RASEF: variants seen among roughly 807,000 people sequenced by gnomAD.
The protein encoded by RASEF is ras and EF-hand domain-containing protein.
Under a neutral mutation model 90.1 loss-of-function variants are expected in RASEF, and 68 were observed. The ratio of observed to expected loss-of-function variants is 0.75; its 90% CI spans 0.62 to 0.92. The LOEUF (loss-of-function observed/expected upper bound fraction) is 0.92. Among genes scored for constraint, RASEF ranks in the 40% least tolerant of loss-of-function variants. The probability of loss-of-function intolerance (pLI) is 0.00; values close to 1 mark genes in which losing one functional copy is unlikely to be tolerated. For missense variants in RASEF, 949 were observed against 937.2 expected (o/e 1.01, Z -0.16); for synonymous variants, 331 against 345.2 (o/e 0.96, Z 0.46).
At chr9:82,986,954 G>T (rs1828720951) in intron 16 of RASEF, among the ~76,000 whole-genome samples, 1 of 152,164 alleles carries the variant, frequency 6.6e-6, no homozygotes, top group East Asian at 1.9e-4. Flanking sequence ...GATTTTCTAA[G>T]AAAATGCAGA....
the RASEF span, among the ~76,000 whole-genome samples, chr9:83,189,742 C>G: frequency 6.6e-6 from 1 of 152,168 alleles, no homozygotes. Context: ...CTGAAATGCT[C>G]ACGTCCAATC....
At chr9:83,043,142 C>T (rs188000029) in intron 1 of RASEF, among the ~76,000 whole-genome samples, 1 of 152,336 alleles carries the variant, frequency 6.6e-6, no homozygotes, top group African/African-American at 2.4e-5. Flanking sequence ...GACAGATGAT[C>T]ACTGCAGTAC....
chr9:83,166,565 G>A, the RASEF span, among the ~76,000 whole-genome samples: 2 of 152,102 alleles, frequency 1.3e-5, no homozygotes, highest in African/African-American at 4.8e-5. Context: ...AGACAGCCGG[G>A]GTGTAAAATA....
chr9:83,177,033 AT>A, the RASEF span, among the ~76,000 whole-genome samples: 1 of 152,076 alleles, frequency 6.6e-6, no homozygotes, highest in Admixed American at 6.5e-5. Flanking sequence ...CTTTATTCCC[AT>A]CACCTTCTCT....
the RASEF span, among the ~76,000 whole-genome samples, chr9:83,115,002 G>T: frequency 6.6e-6 from 1 of 152,084 alleles, no homozygotes; most frequent in Non-Finnish European, 1.5e-5. Flanking sequence ...TGGTTTTACG[G>T]CTTGGGGGAC....
At chr9:83,096,281 A>G in the RASEF span, among the ~76,000 whole-genome samples, 50 of 152,310 alleles carry the variant, frequency 3.3e-4, no homozygotes, top group African/African-American at 1.2e-3. Flanking sequence ...CTAAATATCT[A>G]GAGAAGTTTA....
intron 3 of RASEF, among the ~76,000 whole-genome samples, chr9:83,017,178 T>C (rs1038800520): frequency 2.0e-5 from 3 of 151,650 alleles, no homozygotes; most frequent in African/African-American, 4.8e-5. Context: ...ACATAAACAT[T>C]TTAGGGTTTA....
chr9:83,183,268 A>G, the RASEF span, among the ~76,000 whole-genome samples: 11 of 4,702 alleles, frequency 2.3e-3, no homozygotes, highest in East Asian at 0.056. Context: ...GTGTGTATAT[A>G]TATATATATA....
intron 6 of RASEF, among the ~76,000 whole-genome samples, chr9:83,009,253 T>C (rs1376037881): frequency 1.3e-5 from 2 of 152,046 alleles, no homozygotes; most frequent in African/African-American, 4.8e-5. Flanking sequence ...TTTTATGGTA[T>C]TAACACCATA....
At chr9:82,984,243 C>T (rs1012231472) in intron 16 of RASEF, among the ~76,000 whole-genome samples, 6 of 152,014 alleles carry the variant, frequency 3.9e-5, no homozygotes, top group Admixed American at 1.3e-4. Context: ...ATTGTCATTT[C>T]GGCATGTGGT....
chr9:83,025,897 G>A lies in RASEF; in HGVS notation c.456C>T (p.Tyr152=), dbSNP rs1389165268. The A allele has an allele frequency of 6.2e-7, 1 of 1,612,196 alleles. No homozygotes were observed. The highest frequency in any genetic ancestry group is 8.5e-7 in the Non-Finnish European group (1 of 1,179,148). Residue 152 remains tyrosine, a synonymous_variant, in exon 2 of 17, where the codon TAC becomes TAT. Coordinates refer to ENST00000376447, the MANE Select transcript of RASEF (RefSeq NM_152573.4). The part of the protein sequence containing the change: ...IPREEQVSTL[Y]QNINLVEPRL... Reference sequence around the variant, plus strand: ...TTGGCTCCACAAGGTTGATGTTTTGGTACAAGGTACTAACTTGCTCTTCTC... The same window carrying A: ...TTGGCTCCACAAGGTTGATGTTTTGATACAAGGTACTAACTTGCTCTTCTC...
chr9:83,071,463 T>G, the RASEF span, among the ~76,000 whole-genome samples: 1 of 152,198 alleles, frequency 6.6e-6, no homozygotes, highest in Non-Finnish European at 1.5e-5. Context: ...ATGAGTGCAG[T>G]GGCACCATCT....
chr9:83,107,564 C>T, the RASEF span, among the ~76,000 whole-genome samples: 2 of 152,136 alleles, frequency 1.3e-5, no homozygotes, highest in East Asian at 3.8e-4. Context: ...TTTGACCTAT[C>T]GCTCTCCTAA....
the RASEF span, among the ~76,000 whole-genome samples, chr9:83,209,027 ACCATATGGAGATG>A: frequency 6.6e-6 from 1 of 152,176 alleles, no homozygotes; most frequent in Non-Finnish European, 1.5e-5. Context: ...GGCATCAGCC[ACCATATGGAGATG>A]CCATTCAGTT....
At chr9:83,134,452 A>T in the RASEF span, among the ~76,000 whole-genome samples, 4 of 151,582 alleles carry the variant, frequency 2.6e-5, no homozygotes, top group East Asian at 1.9e-4. Flanking sequence ...ACACACACAT[A>T]TATATATATC....
At chr9:83,127,909 C>T in the RASEF span, among the ~76,000 whole-genome samples, 1 of 152,030 alleles carries the variant, frequency 6.6e-6, no homozygotes, top group Non-Finnish European at 1.5e-5. Flanking sequence ...CAATATTTCC[C>T]GTGATATTTC....
At chr9:83,185,978 G>T in the RASEF span, among the ~76,000 whole-genome samples, 33 of 145,984 alleles carry the variant, frequency 2.3e-4, no homozygotes, top group Non-Finnish European at 4.1e-4. Context: ...GGCGGGGGGG[G>T]CAAGGGGGGT....
chr9:83,206,028 T>C, the RASEF span, among the ~76,000 whole-genome samples: 1 of 152,218 alleles, frequency 6.6e-6, no homozygotes, highest in Admixed American at 6.5e-5. Context: ...AGATATCCTC[T>C]GTTAATTGCA....
chr9:83,000,369 A>G (rs558434027), intron 11 of RASEF, 53 bp from the exon 12 acceptor site: 16 of 1,611,358 alleles, frequency 9.9e-6, no homozygotes, highest in African/African-American at 1.3e-5. Flanking sequence ...TTTCATCCTA[A>G]TAAGTAACAC....
Sources: allele counts gnomAD v4.1 joint callset (sites outside exome capture counted in the v4.1 genomes callset), GRCh38; gene constraint gnomAD v4.1.1; transcripts MANE v1.5; gene names NCBI Gene and HGNC (gene_info 2026-07-23, HGNC 2026-07-21).